CPA5: variants seen among roughly 807,000 people sequenced by gnomAD.
The protein encoded by CPA5 is carboxypeptidase A5.
CPA5 carries 38 observed loss-of-function variants against 52.2 expected under a neutral mutation model. The observed-to-expected ratio is 0.73, with a 90% CI of 0.56 to 0.95. The LOEUF is 0.95. Ranked by LOEUF, CPA5 falls within the 40% of genes least tolerant of loss-of-function variation. CPA5 has a pLI of 0.00. For missense variants in CPA5, 519 were observed against 566.7 expected, an observed-to-expected ratio of 0.92 and a Z score of 0.86; for synonymous variants, 198 against 213.7, an observed-to-expected ratio of 0.93 and a Z score of 0.64.
rs781880842 is a variant in CPA5 at position 130,346,550 on chromosome 7, T to G, written c.65T>G (p.Leu22Arg). The change falls in exon 3 of 13, where the codon CTG (leucine) becomes CGG (arginine). Residue 22 changes from leucine (L) to arginine (R), a missense_variant. Physicochemically the swap from Leu to Arg is moderately radical, Grantham distance 102 (BLOSUM62 -2). Transcript: ENST00000474905. ...GPSPVDRRTL[L>R]VFSFILAAAL... The stretch of plus-strand genomic sequence containing the variant: ...TCCCCCGTGGACAGGCGGACACTCC[T>G]GGTCTTCAGCTTTATCCTGGCAGCA... The G allele has an allele frequency of 6.2e-7, 1 of 1,614,078 alleles. No homozygotes were observed. The highest frequency in any genetic ancestry group is 8.5e-7 in the Non-Finnish European group (1 of 1,179,964).
the CPA5 span, among the ~76,000 whole-genome samples, chr7:130,374,439 G>GC: frequency 6.6e-6 from 1 of 152,058 alleles, no homozygotes; most frequent in Non-Finnish European, 1.5e-5. Context: ...CTTCTAACCA[G>GC]CTCTGCCAAG....
chr7:130,361,207 G>A lies in CPA5; in HGVS notation c.497G>A (p.Gly166Asp). The A allele has an allele frequency of 6.2e-7, 1 of 1,613,986 alleles. No individual in the cohort carries two copies. The highest frequency in any genetic ancestry group is 8.5e-7 in the Non-Finnish European group (1 of 1,179,902). Residue 166 changes from glycine (G) to aspartate (D), a missense_variant, in exon 7 of 13, where the codon GGC (glycine) becomes GAC (aspartate). Gly to Asp is a moderately conservative substitution (Grantham distance 94). Coordinates refer to ENST00000474905, the MANE Select transcript of CPA5 (RefSeq NM_080385.5). ...GATATTGTCTCAAAAATTCAGATTG[G>A]CAACAGCTTTGAAAACCAGTCCATT... ...HSDIVSKIQI[G>D]NSFENQSILV...
At chr7:130,374,295 G>T in the CPA5 span, among the ~76,000 whole-genome samples, 7 of 152,186 alleles carry the variant, frequency 4.6e-5, no homozygotes, top group African/African-American at 1.7e-4. Context: ...CCCTGAAGGA[G>T]AACTCCAGCC....
chr7:130,368,721 T>C lies in CPA5; in HGVS notation c.*124T>C. 2 of 1,007,112 alleles carry C rather than the reference T, an allele frequency of 2.0e-6. 1 individual carries two copies. Among genetic ancestry groups the C allele is most frequent in the Non-Finnish European group, 2.9e-6 (2 of 684,650 alleles). 62.4% of individuals were successfully genotyped at this position (1,007,112 alleles called of 1,614,324 possible). On this transcript the variant is annotated 3_prime_UTR_variant, in exon 13 of 13. Transcript: ENST00000474905. ...GACCTCTTAGAAAATAAATACAAGT[T>C]TGAACAGGCTTCGCTGCCTCTCGTG...
intron 12 of CPA5, among the ~76,000 whole-genome samples, 154 bp downstream of exon 12, chr7:130,368,144 GC>G (rs1211403125): frequency 6.6e-6 from 1 of 152,264 alleles, no homozygotes; most frequent in Non-Finnish European, 1.5e-5. Flanking sequence ...TTTCTTGGCA[GC>G]TTTTGTGCAC....
At chr7:130,363,338 C>A in intron 9 of CPA5, 81 bp from the exon 10 acceptor site, 1 of 1,208,996 alleles carries the variant, frequency 8.3e-7, no homozygotes, top group Non-Finnish European at 1.2e-6. Context: ...GGTCCCCTAC[C>A]CCCATAGGCC....
Position 130,368,623 on chromosome 7 carries a change from C to T in CPA5, c.*26C>T. On this transcript the variant is annotated 3_prime_UTR_variant, in exon 13 of 13. Transcript: ENST00000474905. The stretch of plus-strand genomic sequence containing the variant: ...CAGCACGACTGAGGGCAGGAGGCTC[C>T]ATCCTTCTCCCCAAGGTCTGTGGCT... 1 of 1,612,250 alleles carries T rather than the reference C, an allele frequency of 6.2e-7. No homozygotes were observed. Among genetic ancestry groups the T allele is most frequent in the Non-Finnish European group, 8.5e-7 (1 of 1,179,062 alleles).
chr7:130,357,640 T>C (rs539102437), intron 5 of CPA5, among the ~76,000 whole-genome samples: 8 of 150,358 alleles, frequency 5.3e-5, no homozygotes, highest in Middle Eastern at 3.4e-3. Context: ...AAAAAAAAAG[T>C]TCTTATTGAA....
At chr7:130,355,673 T>C (rs1156299106) in intron 5 of CPA5, among the ~76,000 whole-genome samples, 1 of 152,188 alleles carries the variant, frequency 6.6e-6, no homozygotes, top group African/African-American at 2.4e-5. Context: ...CATCCCAAAG[T>C]GCTGGGATTA....
chr7:130,352,775 T>G (rs1211516651), intron 5 of CPA5, among the ~76,000 whole-genome samples: 2 of 152,008 alleles, frequency 1.3e-5, no homozygotes, highest in African/African-American at 4.8e-5. Flanking sequence ...CAAGAAATTA[T>G]CTGATTCCGA....
chr7:130,359,620 C>A lies in CPA5; in HGVS notation c.365C>A (p.Ala122Glu). ...CTGGATGAGGAAAGACAGGCCATGG[C>A]GAAATCCCGCCGGCTGGAGCGCAGC... ...VLLDEERQAM[A>E]KSRRLERSTN... Residue 122 changes from alanine to glutamate, a missense_variant, in exon 6 of 13, where the codon GCG (alanine) becomes GAG (glutamate). By Grantham distance (107) the Ala-to-Glu change is moderately radical. Transcript: ENST00000474905. 1 of 1,575,534 alleles carries A rather than the reference C, an allele frequency of 6.3e-7. No homozygotes were observed. The highest frequency in any genetic ancestry group is 1.2e-5 in the South Asian group (1 of 85,616).
chr7:130,367,456 A>G lies in CPA5; in HGVS notation c.923A>G (p.Asn308Ser). Residue 308 changes from asparagine (N) to serine (S), a missense_variant, in exon 11 of 13, where the codon AAC becomes AGC. Physicochemically the swap from Asn to Ser is conservative, Grantham distance 46 (BLOSUM62 1). Transcript: ENST00000474905. ...QSEPEVAAIVNFITAHGNFKA... is the reference protein window; with the variant it reads ...QSEPEVAAIVSFITAHGNFKA... The stretch of plus-strand genomic sequence containing the variant: ...GAGCCGGAGGTGGCTGCCATAGTGA[A>G]CTTCATCACAGCCCATGGCAACTTC... 1 of 1,614,110 alleles carries G rather than the reference A, an allele frequency of 6.2e-7. No homozygotes were observed. The highest frequency in any genetic ancestry group is 8.5e-7 in the Non-Finnish European group (1 of 1,180,014).
intron 10 of CPA5, among the ~76,000 whole-genome samples, chr7:130,365,602 C>T (rs1796034484): frequency 6.6e-6 from 1 of 152,238 alleles, no homozygotes. Flanking sequence ...GTGAAACAGG[C>T]GGACTCAGAG....
chr7:130,357,035 A>G (rs1418959415), intron 5 of CPA5, among the ~76,000 whole-genome samples: 1 of 152,228 alleles, frequency 6.6e-6, no homozygotes, highest in African/African-American at 2.4e-5. Context: ...AGGGCCAGAG[A>G]GGACCGGGGC....
At chr7:130,373,292 T>G (rs1426075597), downstream of CPA5, among the ~76,000 whole-genome samples, 3 of 152,034 alleles carry the variant, frequency 2.0e-5, no homozygotes, top group Admixed American at 6.5e-5. Flanking sequence ...TGGTGGTTTT[T>G]TTTTTTTTCT....
intron 5 of CPA5, among the ~76,000 whole-genome samples, chr7:130,352,583 C>T (rs1795228000): frequency 6.6e-6 from 1 of 152,252 alleles, no homozygotes; most frequent in African/African-American, 2.4e-5. Flanking sequence ...AGAGTGCCCT[C>T]CACCATGTGA....
At chr7:130,369,616 T>TGTGTGTGTTTGTGTGTGTGC (rs1796269382), downstream of CPA5, among the ~76,000 whole-genome samples, 1 of 152,036 alleles carries the variant, frequency 6.6e-6, no homozygotes, top group Non-Finnish European at 1.5e-5. Context: ...AGCCAGGCTG[T>TGTGTGTGTTTGTGTGTGTGC]GTGTGTGTTT....
At position 130,368,480 on chromosome 7, in the gene CPA5, C is replaced by T; in HGVS notation, c.1194C>T (p.Leu398=). The T allele has an allele frequency of 6.2e-7, 1 of 1,614,164 alleles. No individual in the cohort carries two copies. Among genetic ancestry groups the T allele is most frequent in the Non-Finnish European group, 8.5e-7 (1 of 1,180,030 alleles). Residue 398 remains leucine (L), a synonymous_variant, in exon 13 of 13, where the codon CTC becomes CTT. Coordinates refer to ENST00000474905, the MANE Select transcript of CPA5 (RefSeq NM_080385.5). ...TCAAGTACGCCTTCAGCTTTGAGCT[C>T]CGGGACACTGGGCAGTATGGCTTCC... ...SGIKYAFSFE[L]RDTGQYGFLL... is the part of the protein sequence containing the mutation.
At chr7:130,368,048 A>C (rs1554409052) in intron 12 of CPA5, 58 bp downstream of exon 12, 2 of 1,507,170 alleles carry the variant, frequency 1.3e-6, no homozygotes, top group African/African-American at 1.4e-5. Flanking sequence ...GGCTGGCTGC[A>C]GGGCAGTGCC....
Sources: allele counts gnomAD v4.1 joint callset (sites outside exome capture counted in the v4.1 genomes callset), GRCh38; gene constraint gnomAD v4.1.1; transcripts MANE v1.5; gene names NCBI Gene and HGNC (gene_info 2026-07-23, HGNC 2026-07-21).